PAPSS2: variants seen among roughly 807,000 people sequenced by gnomAD.
PAPSS2 encodes the protein 3'-phosphoadenosine 5'-phosphosulfate synthase 2.
Under a neutral mutation model 66.5 loss-of-function variants are expected in PAPSS2, and 61 were observed. That is an observed-to-expected ratio of 0.92 (90% CI 0.75 to 1.14). The LOEUF (loss-of-function observed/expected upper bound fraction) is 1.14. Ranked by LOEUF, PAPSS2 falls within the 50% of genes most tolerant of loss-of-function variation. PAPSS2 has a pLI of 0.00. For missense variants in PAPSS2, 708 were observed against 789.6 expected (o/e 0.90, Z 1.24); for synonymous variants, 289 against 287.5 (o/e 1.01, Z -0.05).
intron 11 of PAPSS2, 134 bp downstream of exon 11, chr10:87,743,775 TTATC>T: frequency 1.9e-6 from 2 of 1,042,708 alleles, no homozygotes; most frequent in Non-Finnish European, 2.9e-6. Context: ...TGTCTCTTCT[TTATC>T]TAGCTTAATT....
chr10:87,715,878 T>C (rs1853526574), intron 7 of PAPSS2, 35 bp downstream of exon 7: 1 of 1,330,960 alleles, frequency 7.5e-7, no homozygotes, highest in African/African-American at 1.8e-5. Flanking sequence ...CTCTTTGTTG[T>C]TAAGGAAAAA....
At chr10:87,713,331 A>AAAT in intron 3 of PAPSS2, 21 bp downstream of exon 3, 1 of 1,357,694 alleles carries the variant, frequency 7.4e-7, no homozygotes, top group Non-Finnish European at 1.0e-6. Flanking sequence ...AAAAAAAAAA[A>AAAT]AAAGGCACTA....
Position 87,714,111 on chromosome 10 carries a change from C to T in PAPSS2, c.449C>T (p.Ala150Val). The T allele has an allele frequency of 5.6e-6, 9 of 1,613,616 alleles. No homozygotes were observed. Among genetic ancestry groups the T allele is most frequent in the Non-Finnish European group, 6.8e-6 (8 of 1,179,610 alleles). ...CCATTCTTTGAAATATTTGTAGATG[C>T]ACCTCTAAATATTTGTGAAAGCAGA... Reference protein sequence around the residue: ...GLPFFEIFVDAPLNICESRDV... With the variant: ...GLPFFEIFVDVPLNICESRDV... The change falls in exon 4 of 13, where the codon GCA (alanine) becomes GTA (valine). Residue 150 changes from alanine to valine, a missense_variant. By Grantham distance (64) the Ala-to-Val change is moderately conservative (BLOSUM62 0). Coordinates refer to ENST00000456849, the MANE Select transcript of PAPSS2 (RefSeq NM_001015880.2).
intron 1 of PAPSS2, among the ~76,000 whole-genome samples, chr10:87,693,333 G>C (rs1391509255): frequency 6.6e-6 from 1 of 152,188 alleles, no homozygotes; most frequent in Non-Finnish European, 1.5e-5. Flanking sequence ...TGCCTTTCCA[G>C]TGCATGGTGT....
intron 8 of PAPSS2, among the ~76,000 whole-genome samples, chr10:87,724,049 A>G (rs1853628323): frequency 6.6e-6 from 1 of 152,072 alleles, no homozygotes; most frequent in Admixed American, 6.6e-5. Context: ...ATGAGCCCTC[A>G]TTTTCTCATC....
At chr10:87,701,327 CCTTTCTTT>C (rs71019494) in intron 1 of PAPSS2, among the ~76,000 whole-genome samples, 5,143 of 70,956 alleles carry the variant, frequency 0.072, 450 homozygotes, top group Non-Finnish European at 0.1. Context: ...TTCCTTCCTT[CCTTTCTTT>C]CTTTCTTTCT....
chr10:87,717,049 T>A (rs1853540947), intron 7 of PAPSS2, among the ~76,000 whole-genome samples: 1 of 152,136 alleles, frequency 6.6e-6, no homozygotes, highest in Non-Finnish European at 1.5e-5. Flanking sequence ...GAGTCCAGAA[T>A]CTTAGGAATC....
chr10:87,735,038 G>C (rs1001822163), intron 9 of PAPSS2, among the ~76,000 whole-genome samples: 1 of 151,834 alleles, frequency 6.6e-6, no homozygotes, highest in Non-Finnish European at 1.5e-5. Flanking sequence ...GTGTAATTTT[G>C]AGCCCAATTC....
At chr10:87,725,570 A>G (rs1853648058) in intron 8 of PAPSS2, among the ~76,000 whole-genome samples, 1 of 152,206 alleles carries the variant, frequency 6.6e-6, no homozygotes, top group Non-Finnish European at 1.5e-5. Flanking sequence ...GATAAGTGAG[A>G]TTACCAGTAT....
chr10:87,727,695 A>G (rs1853677508), intron 9 of PAPSS2, among the ~76,000 whole-genome samples: 1 of 152,202 alleles, frequency 6.6e-6, no homozygotes, highest in South Asian at 2.1e-4. Context: ...GTCTGGTCTC[A>G]ATGATCTCTT....
At chr10:87,701,374 T>TTCTA (rs1564716781) in intron 1 of PAPSS2, among the ~76,000 whole-genome samples, 6 of 112,524 alleles carry the variant, frequency 5.3e-5, no homozygotes, top group Non-Finnish European at 8.4e-5. Context: ...CTTTCTTTCT[T>TTCTA]TCTTTCTTTC....
At chr10:87,737,813 C>G (rs1399683478) in intron 9 of PAPSS2, among the ~76,000 whole-genome samples, 1 of 151,306 alleles carries the variant, frequency 6.6e-6, no homozygotes, top group African/African-American at 2.4e-5. Flanking sequence ...CTGCCTCAAA[C>G]AAAAACAAAA....
intron 1 of PAPSS2, among the ~76,000 whole-genome samples, chr10:87,706,759 A>AAAC (rs760847942): frequency 1.2e-4 from 18 of 151,974 alleles, no homozygotes; most frequent in African/African-American, 1.5e-4. Context: ...TCCCTGTCTC[A>AAAC]AACAACAACA....
chr10:87,705,240 C>T lies in PAPSS2; in HGVS notation c.28-3956C>T, dbSNP rs146155234. On this transcript the variant is annotated intron_variant, in intron 1 of 12. Coordinates refer to ENST00000456849, the MANE Select transcript of PAPSS2 (RefSeq NM_001015880.2). Reference sequence around the variant, plus strand: ...CTAATGTTTTCCATTCATTATCATCCATATTCCGTGTATTAATAGTCCATT... The same window carrying T: ...CTAATGTTTTCCATTCATTATCATCTATATTCCGTGTATTAATAGTCCATT... Among the ~76,000 whole-genome samples the T allele has an allele frequency of 1.9e-4, 29 of 152,260 alleles. No individual in the cohort carries two copies. In the East Asian group the frequency reaches 5.4e-3, roughly 28 times the overall value.
intron 1 of PAPSS2, among the ~76,000 whole-genome samples, chr10:87,682,823 G>A (rs1050094443): frequency 7.2e-5 from 11 of 152,142 alleles, no homozygotes; most frequent in African/African-American, 2.2e-4. Flanking sequence ...AAACATGGGC[G>A]ATTTGAGACC....
chr10:87,664,484 G>A (rs918306968), intron 1 of PAPSS2, among the ~76,000 whole-genome samples: 11 of 152,104 alleles, frequency 7.2e-5, no homozygotes, highest in African/African-American at 2.7e-4. Flanking sequence ...TCATGCCATC[G>A]CCATTTATTA....
At position 87,711,905 on chromosome 10, in the gene PAPSS2, T is replaced by C. The variant is rs573427218; in HGVS notation, c.146-1170T>C. On this transcript the variant is annotated intron_variant, in intron 2 of 12. Transcript: ENST00000456849. Reference sequence around the variant, plus strand: ...AGAGGCTTGGCACCATGAAATATTCTTAGGTTCAGAGATCTTTAAGACAAA... The same window carrying C: ...AGAGGCTTGGCACCATGAAATATTCCTAGGTTCAGAGATCTTTAAGACAAA... 5.4e-3 allele frequency among the ~76,000 whole-genome samples: 825 copies of C among 152,284 alleles called. 7 individuals are homozygous for C. The highest frequency in any genetic ancestry group is 0.019 in the African/African-American group (793 of 41,570).
chr10:87,746,146 TACAAA>T lies in PAPSS2; in HGVS notation c.*177_*181del. 1 of 486,946 alleles carries T rather than the reference TACAAA, an allele frequency of 2.1e-6. No individual in the cohort carries two copies. The highest frequency in any genetic ancestry group is 3.7e-5 in the Admixed American group (1 of 27,090). The allele number at this position is 486,946 out of a possible 1,614,324, so 30.2% of individuals were successfully genotyped here. On this transcript the variant is annotated 3_prime_UTR_variant, in exon 13 of 13. Transcript: ENST00000456849. Reference sequence around the variant, plus strand: ...ATATATATACACACACACATATACATACAAAGTCAAACTGAAGACCAAATCTTAGC... The same window carrying T: ...ATATATATACACACACACATATACATGTCAAACTGAAGACCAAATCTTAGC...
chr10:87,672,895 A>G (rs552146997), intron 1 of PAPSS2, among the ~76,000 whole-genome samples: 14 of 152,392 alleles, frequency 9.2e-5, no homozygotes, highest in African/African-American at 3.4e-4. Flanking sequence ...TGACAAGTAT[A>G]TGAAATTAAA....
Sources: allele counts gnomAD v4.1 joint callset (sites outside exome capture counted in the v4.1 genomes callset), GRCh38; gene constraint gnomAD v4.1.1; transcripts MANE v1.5; gene names NCBI Gene and HGNC (gene_info 2026-07-23, HGNC 2026-07-21).